GLRA1: variants seen among roughly 807,000 people sequenced by gnomAD.
GLRA1 encodes glycine receptor subunit alpha-1.
In GLRA1, 37 loss-of-function variants were observed where a neutral mutation model predicts 48.3. That is an observed-to-expected ratio of 0.77 (90% CI 0.59 to 1.01). The LOEUF (loss-of-function observed/expected upper bound fraction) is 1.01, where lower values mean the gene tolerates loss of function less well. Among genes scored for constraint, GLRA1 ranks in the 50% least tolerant of loss-of-function variants. The pLI is 0.00. For synonymous variants in GLRA1, 196 were observed against 210.7 expected, an observed-to-expected ratio of 0.93 and a Z score of 0.60; for missense variants, 427 against 571.0, an observed-to-expected ratio of 0.75 and a Z score of 2.57.
At chr5:151,880,063 C>G (rs1753724708) in intron 3 of GLRA1, among the ~76,000 whole-genome samples, 1 of 152,180 alleles carries the variant, frequency 6.6e-6, no homozygotes, top group African/African-American at 2.4e-5. Context: ...CTTGCTCTTC[C>G]TTGCCTTCCA....
rs1045429218 is a variant in GLRA1 at position 151,876,198 on chromosome 5, C to T, written c.252+10523G>A. On this transcript the variant is annotated intron_variant, in intron 3 of 8. Transcript: ENST00000274576. ...ATGTGCCCTCCCTTCCCCTATACCC[C>T]GTTGCTGAAACTACTGGATGACACT... 1.5e-4 allele frequency among the ~76,000 whole-genome samples: 23 copies of T among 152,308 alleles called. No homozygotes were observed. The East Asian group carries it at 1.9e-3, about 13-fold the overall frequency.
At chr5:151,889,322 C>T (rs1450000756) in intron 2 of GLRA1, among the ~76,000 whole-genome samples, 1 of 152,112 alleles carries the variant, frequency 6.6e-6, no homozygotes, top group African/African-American at 2.4e-5. Flanking sequence ...GCCCCTAATC[C>T]TAGGAGCCAT....
chr5:151,833,924 G>T (rs191367712), intron 7 of GLRA1, among the ~76,000 whole-genome samples: 46 of 151,490 alleles, frequency 3.0e-4, no homozygotes, highest in African/African-American at 1.1e-3. Flanking sequence ...GCAACAAGAA[G>T]AGCTAACTGT....
chr5:151,849,479 C>CTTTT (rs1752836593), intron 7 of GLRA1, among the ~76,000 whole-genome samples: 1 of 60,840 alleles, frequency 1.6e-5, no homozygotes, highest in Non-Finnish European at 2.9e-5. Flanking sequence ...TTCCTTCCTT[C>CTTTT]CTTCCTTCCT....
intron 1 of GLRA1, among the ~76,000 whole-genome samples, chr5:151,914,331 G>A (rs1372974391): frequency 6.6e-6 from 1 of 152,174 alleles, no homozygotes; most frequent in East Asian, 1.9e-4. Context: ...CCCTTGCCTT[G>A]TCTGGGCTGG....
At chr5:151,919,914 A>G (rs1754832008) in intron 1 of GLRA1, among the ~76,000 whole-genome samples, 1 of 152,256 alleles carries the variant, frequency 6.6e-6, no homozygotes, top group Non-Finnish European at 1.5e-5. Flanking sequence ...GAAGGAAATA[A>G]AGTTAATGAC....
At chr5:151,908,629 T>C (rs1000495769) in intron 1 of GLRA1, among the ~76,000 whole-genome samples, 1 of 152,188 alleles carries the variant, frequency 6.6e-6, no homozygotes, top group African/African-American at 2.4e-5. Context: ...TTACTCTGCT[T>C]ATCTCCACAT....
At chr5:151,915,371 T>A (rs2113458732) in intron 1 of GLRA1, among the ~76,000 whole-genome samples, 1 of 152,322 alleles carries the variant, frequency 6.6e-6, no homozygotes, top group South Asian at 2.1e-4. Context: ...CCCCAGCAGT[T>A]TCATTCCTAG....
rs1236946130 is a variant in GLRA1, at chr5:151,843,693, C to T, written c.912+7697G>A. 2.6e-5 allele frequency among the ~76,000 whole-genome samples: 4 copies of T among 152,328 alleles called. No individual in the cohort carries two copies. In the East Asian group the frequency reaches 7.7e-4, roughly 29 times the overall value. On this transcript the variant is annotated intron_variant, in intron 7 of 8. Coordinates refer to ENST00000274576, the MANE Select transcript of GLRA1 (RefSeq NM_000171.4). ...AAAATTACTCCAAAGCTACAGTAAT[C>T]AAAACGGTGTGGTACTGACAAAAGG...
intron 3 of GLRA1, among the ~76,000 whole-genome samples, chr5:151,885,645 G>A (rs1344849927): frequency 6.6e-6 from 1 of 152,204 alleles, no homozygotes; most frequent in Non-Finnish European, 1.5e-5. Context: ...AGCAGAGAGC[G>A]AGAGACGACC....
At chr5:151,867,392 C>G (rs1035930913) in intron 3 of GLRA1, among the ~76,000 whole-genome samples, 3 of 152,032 alleles carry the variant, frequency 2.0e-5, no homozygotes, top group African/African-American at 7.2e-5. Context: ...GACATTAAGA[C>G]TAGGGCTGCA....
In GLRA1 at chr5:151,892,378, C is replaced by G. The variant is rs149023945; in HGVS notation, c.117G>C (p.Ser39=). 1.8e-3 allele frequency: 2,854 copies of G among 1,613,946 alleles called. 3 individuals carry two copies. The highest frequency in any genetic ancestry group is 3.1e-3 in the Middle Eastern group (19 of 6,058). The change falls in exon 2 of 9, where the codon TCG becomes TCC. Residue 39 remains serine, a synonymous_variant. Coordinates refer to ENST00000274576, the MANE Select transcript of GLRA1 (RefSeq NM_000171.4). ...ARSAPKPMSP[S]DFLDKLMGRT... is the part of the protein sequence containing the mutation. ...TCCCCATTAGCTTATCCAGGAAATC[C>G]GAGGGTGACATAGGCTTGGGTGCGG...
chr5:151,855,492 G>C (rs1474026394), intron 5 of GLRA1, among the ~76,000 whole-genome samples: 3 of 151,850 alleles, frequency 2.0e-5, no homozygotes, highest in Admixed American at 6.6e-5. Flanking sequence ...CTCCTCTTTT[G>C]CTCACAGCAG....
At chr5:151,910,802 C>G (rs988930290) in intron 1 of GLRA1, among the ~76,000 whole-genome samples, 1 of 152,050 alleles carries the variant, frequency 6.6e-6, no homozygotes, top group Non-Finnish European at 1.5e-5. Flanking sequence ...TATGTGTTAC[C>G]CTCTCTTGCT....
intron 7 of GLRA1, among the ~76,000 whole-genome samples, chr5:151,846,260 T>C (rs1752670866): frequency 6.6e-6 from 1 of 152,216 alleles, no homozygotes; most frequent in African/African-American, 2.4e-5. Context: ...TGGAGTTGAG[T>C]GTTAATAACA....
At chr5:151,880,930 CATGTATGCAAACTCACAGA>C (rs1753745611) in intron 3 of GLRA1, among the ~76,000 whole-genome samples, 1 of 152,248 alleles carries the variant, frequency 6.6e-6, no homozygotes, top group Non-Finnish European at 1.5e-5. Context: ...ACATCTCCTA[CATGTATGCAAACTCACAGA>C]TACATGTGTA....
chr5:151,921,869 G>A (rs1343106110), intron 1 of GLRA1, among the ~76,000 whole-genome samples: 2 of 152,112 alleles, frequency 1.3e-5, no homozygotes, highest in East Asian at 1.9e-4. Flanking sequence ...CAAATCACCC[G>A]ATCTTACTTA....
intron 1 of GLRA1, among the ~76,000 whole-genome samples, chr5:151,908,685 C>A (rs1754535209): frequency 6.6e-6 from 1 of 151,448 alleles, no homozygotes; most frequent in African/African-American, 2.4e-5. Context: ...CATTTTATTT[C>A]TTGCTCAATA....
rs1325299587 is a variant in GLRA1 at position 151,851,379 on chromosome 5, A to G, written c.912+11T>C. ...TCCAGGTGTTCTGTGCTCTTGGGCA[A>G]TGGGACTTACCTTGGGCAGAGATGC... is the stretch of plus-strand genomic sequence containing the variant. On this transcript the variant is annotated intron_variant, in intron 7 of 8. Transcript: ENST00000274576. The G allele has an allele frequency of 1.3e-6, 2 of 1,596,232 alleles. No individual in the cohort carries two copies.
Sources: gnomAD v4.1 joint callset for allele counts (sites outside exome capture counted in the v4.1 genomes callset) on GRCh38, gnomAD v4.1.1 for gene constraint, MANE v1.5 for transcripts, NCBI Gene and HGNC (gene_info 2026-07-23, HGNC 2026-07-21) for gene names.